PTBP3: variants seen among roughly 807,000 people sequenced by gnomAD.
PTBP3 encodes polypyrimidine tract-binding protein 3.
Under a neutral mutation model 58.7 loss-of-function variants are expected in PTBP3, and 20 were observed. The observed-to-expected ratio is 0.34, with a 90% CI of 0.24 to 0.50. The LOEUF (loss-of-function observed/expected upper bound fraction) is 0.50, where lower values mean the gene tolerates loss of function less well. Ranked by LOEUF, PTBP3 falls within the 20% of genes least tolerant of loss-of-function variation. The pLI, the probability that PTBP3 is intolerant of heterozygous loss-of-function variation, is 0.98. For synonymous variants in PTBP3, 185 were observed against 219.8 expected (o/e 0.84, Z 1.40); for missense variants, 509 against 637.2 (o/e 0.80, Z 2.17).
chr9:112,249,823 AT>A (rs11438998), intron 7 of PTBP3, among the ~76,000 whole-genome samples: 31 of 148,584 alleles, frequency 2.1e-4, no homozygotes, highest in Middle Eastern at 3.5e-3. Context: ...TTGCCCCAGT[AT>A]TTTTTTTTTT....
the PTBP3 span, among the ~76,000 whole-genome samples, chr9:112,375,907 CAGA>C: frequency 1.3e-5 from 2 of 152,034 alleles, no homozygotes; most frequent in South Asian, 2.1e-4. Flanking sequence ...TAGTTATCTG[CAGA>C]AGAAGGCAGG....
chr9:112,339,059 C>G, the PTBP3 span, among the ~76,000 whole-genome samples: 10 of 152,106 alleles, frequency 6.6e-5, no homozygotes, highest in African/African-American at 2.2e-4. Flanking sequence ...AATGAAACAG[C>G]CTTTTTTATT....
chr9:112,246,023 C>A (rs1010475742), intron 7 of PTBP3, among the ~76,000 whole-genome samples: 1 of 151,676 alleles, frequency 6.6e-6, no homozygotes, highest in Non-Finnish European at 1.5e-5. Flanking sequence ...TGCTCTGTCG[C>A]CCAGACTGGA....
chr9:112,224,248 C>A (rs778918274), intron 12 of PTBP3, 38 bp from the exon 13 acceptor site: 1 of 1,284,860 alleles, frequency 7.8e-7, no homozygotes, highest in African/African-American at 1.5e-5. Flanking sequence ...ACCTGGGCCG[C>A]ATTCTCAAGT....
intron 1 of PTBP3, among the ~76,000 whole-genome samples, chr9:112,315,703 A>G (rs1226161325): frequency 6.6e-6 from 1 of 152,250 alleles, no homozygotes; most frequent in African/African-American, 2.4e-5. Context: ...CAAAGAAAAT[A>G]CACTCACAAA....
In PTBP3 at chr9:112,221,901, TTTC is replaced by T. The variant is rs1292149219; in HGVS notation, c.*1947_*1949del. 2 of 979,774 alleles carry T rather than the reference TTTC, an allele frequency of 2.0e-6. No homozygotes were observed. The highest frequency in any genetic ancestry group is 2.4e-6 in the Non-Finnish European group (2 of 824,876). The allele number at this position is 979,774 out of a possible 1,614,324, so 60.7% of individuals were successfully genotyped here. On this transcript the variant is annotated 3_prime_UTR_variant, in exon 14 of 14. Coordinates refer to ENST00000374257, the MANE Select transcript of PTBP3 (RefSeq NM_001163788.4). ...TGGAATACAGCAAAGAGATTGAGATTTTCTTAATTTTTACTTTTAAGAGAAGGG... is the reference window on the plus strand; with the variant it reads ...TGGAATACAGCAAAGAGATTGAGATTTTAATTTTTACTTTTAAGAGAAGGG...
intron 3 of PTBP3, among the ~76,000 whole-genome samples, chr9:112,270,855 T>C (rs991952683): frequency 2.6e-5 from 4 of 152,242 alleles, no homozygotes; most frequent in African/African-American, 9.6e-5. Context: ...TCTTGCTCTG[T>C]AGCCCAGGCT....
At chr9:112,282,173 A>G (rs1421830172) in intron 2 of PTBP3, among the ~76,000 whole-genome samples, 2 of 152,184 alleles carry the variant, frequency 1.3e-5, no homozygotes, top group Admixed American at 6.5e-5. Flanking sequence ...GGGCTTCAAC[A>G]TACCAATTCT....
At chr9:112,361,149 T>G in the PTBP3 span, among the ~76,000 whole-genome samples, 1 of 152,126 alleles carries the variant, frequency 6.6e-6, no homozygotes, top group Admixed American at 6.6e-5. Context: ...CAGGCTGGAG[T>G]GCAGTGGTGA....
intron 3 of PTBP3, among the ~76,000 whole-genome samples, chr9:112,275,341 C>T (rs2132199429): frequency 6.6e-6 from 1 of 152,096 alleles, no homozygotes; most frequent in Admixed American, 6.5e-5. Context: ...CACCATGTTG[C>T]CCAGGCTGAT....
upstream of PTBP3, among the ~76,000 whole-genome samples, chr9:112,335,460 GT>G (rs1430887127): frequency 6.6e-6 from 1 of 150,888 alleles, no homozygotes; most frequent in African/African-American, 2.4e-5. Context: ...TAGTTTTTGT[GT>G]TTTTAGTAGA....
chr9:112,226,342 C>T (rs1285350751), intron 12 of PTBP3, among the ~76,000 whole-genome samples: 4 of 152,122 alleles, frequency 2.6e-5, no homozygotes, highest in Admixed American at 2.6e-4. Context: ...TTCTCTATTA[C>T]TATTCACTTC....
At chr9:112,276,954 A>G (rs1378155044) in intron 2 of PTBP3, among the ~76,000 whole-genome samples, 1 of 152,162 alleles carries the variant, frequency 6.6e-6, no homozygotes, top group Non-Finnish European at 1.5e-5. Flanking sequence ...TAAATACCCT[A>G]TTTGCCACTA....
the PTBP3 span, among the ~76,000 whole-genome samples, chr9:112,379,099 G>A: frequency 6.6e-6 from 1 of 152,206 alleles, no homozygotes; most frequent in Non-Finnish European, 1.5e-5. Context: ...TGAGGGAGGA[G>A]AATCACTTGA....
chr9:112,306,833 C>T (rs1829242911), intron 1 of PTBP3, among the ~76,000 whole-genome samples: 1 of 151,984 alleles, frequency 6.6e-6, no homozygotes, highest in South Asian at 2.1e-4. Context: ...TCAGGCTGGT[C>T]TCAAACTCCT....
chr9:112,246,341 T>C (rs1327060066), intron 7 of PTBP3, among the ~76,000 whole-genome samples: 1 of 152,008 alleles, frequency 6.6e-6, no homozygotes, highest in Admixed American at 6.6e-5. Context: ...AATGATGGAA[T>C]TAGCAAATTA....
Position 112,276,111 on chromosome 9 carries a change from G to C in PTBP3, c.35-98C>G, listed in dbSNP as rs1054048490. 5.9e-6 allele frequency: 7 copies of C among 1,186,092 alleles called. No individual in the cohort carries two copies. The East Asian group carries it at 1.8e-4, about 30-fold the overall frequency. 73.5% of individuals were successfully genotyped at this position (1,186,092 alleles called of 1,614,324 possible). The stretch of plus-strand genomic sequence containing the variant: ...CACATTTAATCCTAAATGAGTTTTG[G>C]GTTTTGAACTTCAGGGAAACGTGGG... On this transcript the variant is annotated intron_variant, in intron 2 of 13. Transcript: ENST00000374257.
chr9:112,221,731 G>A lies in PTBP3; in HGVS notation c.*2120C>T. On this transcript the variant is annotated 3_prime_UTR_variant, in exon 14 of 14. Coordinates refer to ENST00000374257, the MANE Select transcript of PTBP3 (RefSeq NM_001163788.4). ...GATCCATTTGAAAAGTCTTAACTTA[G>A]TATCCCTCCTTTCTATTCTACCAAC... is the stretch of plus-strand genomic sequence containing the variant. The A allele has an allele frequency of 1.0e-6, 1 of 985,066 alleles. No homozygotes were observed. The highest frequency in any genetic ancestry group is 1.2e-6 in the Non-Finnish European group (1 of 829,650). 61.0% of individuals were successfully genotyped at this position (985,066 alleles called of 1,614,324 possible).
chr9:112,335,747 A>AC (rs994391389), upstream of PTBP3, among the ~76,000 whole-genome samples: 41 of 136,278 alleles, frequency 3.0e-4, no homozygotes, highest in African/African-American at 6.2e-4. Context: ...ACATGGTGAA[A>AC]CCCCCCATCT....
Sources: gnomAD v4.1 joint callset for allele counts (sites outside exome capture counted in the v4.1 genomes callset) on GRCh38, gnomAD v4.1.1 for gene constraint, MANE v1.5 for transcripts, NCBI Gene and HGNC (gene_info 2026-07-23, HGNC 2026-07-21) for gene names.